The following SMC4 variants were observed in gnomAD, a reference collection of about 807,000 sequenced individuals.
SMC4 encodes the protein structural maintenance of chromosomes protein 4.
A neutral mutation model predicts 145.6 loss-of-function variants in SMC4; 87 were observed. That is an observed-to-expected ratio of 0.60 (90% confidence interval 0.50 to 0.71). SMC4 has a LOEUF of 0.71. Ranked by LOEUF, SMC4 falls within the 30% of genes least tolerant of loss-of-function variation. The probability of loss-of-function intolerance (pLI) is 0.00; values close to 1 mark genes in which losing one functional copy is unlikely to be tolerated. For synonymous variants in SMC4, 558 were observed against 500.7 expected (o/e 1.11, Z -1.53); for missense variants, 1,447 against 1,537.1 (o/e 0.94, Z 0.98).
chr3:160,409,214 C>G (rs964130906), intron 5 of SMC4, among the ~76,000 whole-genome samples: 1 of 131,278 alleles, frequency 7.6e-6, no homozygotes, highest in Non-Finnish European at 1.5e-5. Flanking sequence ...TGCAGTGAGT[C>G]GAGATCGCGC....
intron 17 of SMC4, among the ~76,000 whole-genome samples, chr3:160,426,824 T>C (rs1005947269): frequency 6.6e-6 from 1 of 152,228 alleles, no homozygotes; most frequent in African/African-American, 2.4e-5. Flanking sequence ...GGAGAAGGGA[T>C]AGTGGATTAT....
Position 160,408,643 on chromosome 3 carries a change from A to G in SMC4, c.688-3277A>G, listed in dbSNP as rs542729080. On this transcript the variant is annotated intron_variant, in intron 5 of 23. Transcript: ENST00000357388. ...GATGTTTTAAAATTATTTCTGAAAT[A>G]TATTGAGCTTATTGCCCTAAATTAA... Among the ~76,000 whole-genome samples the G allele has an allele frequency of 3.3e-5, 5 of 152,376 alleles. No individual in the cohort carries two copies. In the South Asian group the frequency reaches 1.0e-3, roughly 32 times the overall value.
At chr3:160,429,413 G>T (rs1255657029) in intron 18 of SMC4, among the ~76,000 whole-genome samples, 2 of 152,028 alleles carry the variant, frequency 1.3e-5, no homozygotes, top group African/African-American at 4.8e-5. Flanking sequence ...GCACAGTCAG[G>T]GCTCACTGCA....
chr3:160,402,569 C>T (rs1005410669), intron 3 of SMC4, 107 bp from the exon 4 acceptor site: 5 of 1,121,474 alleles, frequency 4.5e-6, no homozygotes, highest in Admixed American at 2.6e-5. Context: ...TAAATACTTG[C>T]AGTTTTTAAC....
Position 160,430,761 on chromosome 3 carries a change from T to G in SMC4, c.2940+18T>G. On this transcript the variant is annotated intron_variant, in intron 19 of 23. Transcript: ENST00000357388. The stretch of plus-strand genomic sequence containing the variant: ...CTGCAGAGGTATGAGTTGCTTTGTA[T>G]TGAAGAGGAGATGGGATGATACTGG... The G allele has an allele frequency of 6.2e-7, 1 of 1,602,238 alleles. No homozygotes were observed. Among genetic ancestry groups the G allele is most frequent in the South Asian group, 1.1e-5 (1 of 88,898 alleles).
Position 160,433,219 on chromosome 3 carries a change from C to A in SMC4, c.3714+10C>A. 6.3e-7 allele frequency: 1 copy of A among 1,586,924 alleles called. No homozygotes were observed. The highest frequency in any genetic ancestry group is 8.6e-7 in the Non-Finnish European group (1 of 1,162,064). On this transcript the variant is annotated intron_variant, in intron 23 of 23. Transcript: ENST00000357388. ...TGCATTTTATATATATGTAAGTAAT[C>A]ATTTTGGGATTTTCATTCCAGAAAC...
At chr3:160,409,991 G>A (rs1039201678) in intron 5 of SMC4, among the ~76,000 whole-genome samples, 2 of 152,106 alleles carry the variant, frequency 1.3e-5, no homozygotes, top group African/African-American at 2.4e-5. Flanking sequence ...TGGGCGGATC[G>A]CTTGAGTCTG....
At position 160,425,039 on chromosome 3, in the gene SMC4, T is replaced by A. The variant is rs769806950; in HGVS notation, c.2478+20T>A. The A allele has an allele frequency of 7.6e-6, 12 of 1,570,140 alleles. No individual in the cohort carries two copies. The stretch of plus-strand genomic sequence containing the variant: ...ATCCAGGTATGTGTGTGTGTGTGTG[T>A]GTGTGTGTGTGTGTACTGAAACTAT... On this transcript the variant is annotated intron_variant, in intron 16 of 23. Transcript: ENST00000357388.
In SMC4 at chr3:160,412,072, CAG is replaced by C; in HGVS notation, c.843_844del (p.Gly282ArgfsTer32). On this transcript the variant is annotated frameshift_variant, in exon 6 of 24. Coordinates refer to ENST00000357388, the MANE Select transcript of SMC4 (RefSeq NM_001002800.3). LOFTEE classifies it high-confidence loss of function. ...GGAGAGTTGAAATATTAAATGAACA[CAG>C]AGGAGAGAAGGTGAATCATCTGTAG... is the stretch of plus-strand genomic sequence containing the variant. ...CRRVEILNEHRGEKLNRVKMV... is the reference protein window; with the variant it reads ...CRRVEILNEHXGEKLNRVKMV... 2 of 1,612,776 alleles carry C rather than the reference CAG, an allele frequency of 1.2e-6. No individual in the cohort carries two copies. The highest frequency in any genetic ancestry group is 1.1e-5 in the South Asian group (1 of 90,994).
Position 160,413,523 on chromosome 3 carries a change from T to G in SMC4, c.1031T>G (p.Ile344Ser). The G allele has an allele frequency of 6.3e-7, 1 of 1,590,008 alleles. No individual in the cohort carries two copies. Among genetic ancestry groups the G allele is most frequent in the Non-Finnish European group, 8.5e-7 (1 of 1,171,864 alleles). ...GAAATGGAAACTCAAAAGGAAAAAATTCATGAAGATACCAAAGAAATTAAT... is the reference window on the plus strand; with the variant it reads ...GAAATGGAAACTCAAAAGGAAAAAAGTCATGAAGATACCAAAGAAATTAAT... The part of the protein sequence containing the change: ...IAEMETQKEK[I>S]HEDTKEINEK... The change falls in exon 8 of 24, where the codon ATT (isoleucine) becomes AGT (serine). Residue 344 changes from isoleucine (I) to serine (S), a missense_variant. Ile to Ser is a moderately radical substitution (Grantham distance 142, BLOSUM62 -2). Coordinates refer to ENST00000357388, the MANE Select transcript of SMC4 (RefSeq NM_001002800.3).
intron 7 of SMC4, 25 bp from the exon 8 acceptor site, chr3:160,413,448 C>A (rs1323126081): frequency 3.1e-6 from 4 of 1,276,678 alleles, no homozygotes; most frequent in Non-Finnish European, 4.3e-6. Flanking sequence ...GCTTCAATTT[C>A]TTTTTTTTTT....
In SMC4 at chr3:160,400,939, G is replaced by T. The variant is rs1420436977; in HGVS notation, c.113G>T (p.Arg38Leu). 4 of 1,459,386 alleles carry T rather than the reference G, an allele frequency of 2.7e-6. No individual in the cohort carries two copies. The African/African-American group carries it at 4.5e-5, about 16-fold the overall frequency. The allele number at this position is 1,459,386 out of a possible 1,614,324, so 90.4% of individuals were successfully genotyped here. ...GCGGAGCCTGAGCCGCCGTCCGGCC[G>T]CACGGAGAGCCCAGCCACCGCCGCA... ...SDAEPEPPSG[R>L]TESPATAAET... The change falls in exon 2 of 24, where the codon CGC becomes CTC. Residue 38 changes from arginine to leucine, a missense_variant. Physicochemically the swap from Arg to Leu is moderately radical, Grantham distance 102 (BLOSUM62 -2). Coordinates refer to ENST00000357388, the MANE Select transcript of SMC4 (RefSeq NM_001002800.3).
At position 160,424,978 on chromosome 3, in the gene SMC4, G is replaced by C; in HGVS notation, c.2437G>C (p.Glu813Gln). 1 of 1,612,580 alleles carries C rather than the reference G, an allele frequency of 6.2e-7. No individual in the cohort carries two copies. The highest frequency in any genetic ancestry group is 8.5e-7 in the Non-Finnish European group (1 of 1,179,482). ...RVVKLRHSEREMRNTLEKFTA... is the reference protein window; with the variant it reads ...RVVKLRHSERQMRNTLEKFTA... Reference sequence around the variant, plus strand: ...AGTTAAGTTACGGCATAGTGAACGAGAAATGAGGAACACACTAGAAAAATT... The same window carrying C: ...AGTTAAGTTACGGCATAGTGAACGACAAATGAGGAACACACTAGAAAAATT... The change falls in exon 16 of 24, where the codon GAA (glutamate) becomes CAA (glutamine). Residue 813 changes from glutamate (E) to glutamine (Q), a missense_variant. Coordinates refer to ENST00000357388, the MANE Select transcript of SMC4 (RefSeq NM_001002800.3).
chr3:160,402,107 A>C lies in SMC4; in HGVS notation c.318+14A>C, dbSNP rs1406863098. The C allele has an allele frequency of 6.7e-7, 1 of 1,487,264 alleles. No homozygotes were observed. Among genetic ancestry groups the C allele is most frequent in the African/African-American group, 1.5e-5 (1 of 68,424 alleles). The allele number at this position is 1,487,264 out of a possible 1,614,324, so 92.1% of individuals were successfully genotyped here. ...CCTTTCCATAAGGTATTTGTATGGA[A>C]ATAACTATTTTATAACTTTTTAAAT... On this transcript the variant is annotated intron_variant, in intron 3 of 23. Transcript: ENST00000357388.
chr3:160,400,453 A>C, intron 1 of SMC4: 3 of 160,482 alleles, frequency 1.9e-5, no homozygotes, highest in East Asian at 1.8e-4. Flanking sequence ...AAGCGTGGGA[A>C]TGTCCGGAAA....
intron 2 of SMC4, among the ~76,000 whole-genome samples, chr3:160,401,708 A>G (rs1714683805): frequency 6.6e-6 from 1 of 152,172 alleles, no homozygotes; most frequent in Admixed American, 6.5e-5. Context: ...CTTTTTTAGT[A>G]AAACCAAGCT....
At chr3:160,404,597 TA>T (rs774603654) in intron 5 of SMC4, 93 bp downstream of exon 5, 22 of 1,079,098 alleles carry the variant, frequency 2.0e-5, no homozygotes, top group Non-Finnish European at 2.7e-5. Context: ...TTTGAGGCCT[TA>T]AAGTACTGTA....
rs1388639601 is a variant in SMC4 at position 160,434,832 on chromosome 3, T to A, written c.*1023T>A. Reference sequence around the variant, plus strand: ...AATTAATTAAAGAGTTAATTGTTCCTTTCTTCAGTGGGCCATTGTTTTAGA... The same window carrying A: ...AATTAATTAAAGAGTTAATTGTTCCATTCTTCAGTGGGCCATTGTTTTAGA... On this transcript the variant is annotated 3_prime_UTR_variant, in exon 24 of 24. Coordinates refer to ENST00000357388, the MANE Select transcript of SMC4 (RefSeq NM_001002800.3). 6.6e-6 allele frequency: 1 copy of A among 152,236 alleles called. No homozygotes were observed. Among genetic ancestry groups the A allele is most frequent in the Non-Finnish European group, 1.5e-5 (1 of 68,042 alleles). 9.4% of individuals were successfully genotyped at this position (152,236 alleles called of 1,614,324 possible).
intron 8 of SMC4, 93 bp from the exon 9 acceptor site, chr3:160,414,274 C>A: frequency 9.9e-7 from 1 of 1,013,686 alleles, no homozygotes; most frequent in Non-Finnish European, 1.6e-6. Context: ...AGAGCCTGGA[C>A]ATATTTATAG....
Sources: allele counts gnomAD v4.1 joint callset (sites outside exome capture counted in the v4.1 genomes callset), GRCh38; gene constraint gnomAD v4.1.1; transcripts MANE v1.5; gene names NCBI Gene and HGNC (gene_info 2026-07-23, HGNC 2026-07-21).